Variants in LNX1 observed in about 807,000 individuals in gnomAD.
LNX1 encodes the protein ligand of numb-protein X 1.
In LNX1, 54 loss-of-function variants were observed where a neutral mutation model predicts 68.4. The ratio of observed to expected loss-of-function variants is 0.79; its 90% CI spans 0.63 to 0.99. The LOEUF is 0.99. LNX1 is among the 50% of genes least tolerant of loss of function. LNX1 has a pLI of 0.00. For synonymous variants in LNX1, 336 were observed against 350.0 expected (o/e 0.96, Z 0.45); for missense variants, 906 against 926.4 (o/e 0.98, Z 0.29).
chr4:53,507,098 G>A (rs1254569762), intron 4 of LNX1, among the ~76,000 whole-genome samples: 1 of 152,050 alleles, frequency 6.6e-6, no homozygotes, highest in Non-Finnish European at 1.5e-5. Flanking sequence ...CTGAAGGTGA[G>A]GGTTTCAACA....
intron 2 of LNX1, chr4:53,603,738 C>T (rs182695086): frequency 1.1e-3 from 169 of 152,280 alleles, no homozygotes; most frequent in African/African-American, 4.0e-3. Flanking sequence ...CTAAATCATT[C>T]ATGAGAAATC....
At chr4:53,552,825 T>C (rs1043610834) in intron 2 of LNX1, among the ~76,000 whole-genome samples, 8 of 74,656 alleles carry the variant, frequency 1.1e-4, no homozygotes, top group African/African-American at 4.6e-4. Flanking sequence ...CAAGACTCCA[T>C]CTCAAAAAAA....
chr4:53,508,162 G>C lies in LNX1; in HGVS notation c.446C>G (p.Pro149Arg), dbSNP rs1180700908. 6.2e-7 allele frequency: 1 copy of C among 1,614,154 alleles called. No individual in the cohort carries two copies. The highest frequency in any genetic ancestry group is 1.1e-5 in the South Asian group (1 of 91,078). ...DRKRRSQDGCPDGCASLTATA... is the reference protein window; with the variant it reads ...DRKRRSQDGCRDGCASLTATA... Reference sequence around the variant, plus strand: ...GGCTGTGAGGCTCGCACAGCCGTCTGGACAGCCATCTTGTGAGCGCCTCTT... The same window carrying C: ...GGCTGTGAGGCTCGCACAGCCGTCTCGACAGCCATCTTGTGAGCGCCTCTT... Residue 149 changes from proline (P) to arginine (R), a missense_variant, in exon 3 of 11, where the codon CCA becomes CGA. Transcript: ENST00000263925.
intron 1 of LNX1, among the ~76,000 whole-genome samples, chr4:53,585,013 A>G (rs991700473): frequency 6.6e-6 from 1 of 152,136 alleles, no homozygotes; most frequent in African/African-American, 2.4e-5. Context: ...CTTCCTGGGT[A>G]GTCCAGATGG....
At chr4:53,465,848 G>A (rs564573088) in intron 9 of LNX1, among the ~76,000 whole-genome samples, 1 of 152,126 alleles carries the variant, frequency 6.6e-6, no homozygotes, top group Admixed American at 6.5e-5. Flanking sequence ...GCAAATTTTA[G>A]TTTTCACAAA....
intron 2 of LNX1, among the ~76,000 whole-genome samples, chr4:53,605,599 A>G (rs1185976642): frequency 6.6e-6 from 1 of 152,130 alleles, no homozygotes; most frequent in Non-Finnish European, 1.5e-5. Context: ...TCTCACCCCC[A>G]CACCTGGTAA....
intron 1 of LNX1, among the ~76,000 whole-genome samples, chr4:53,629,987 T>A (rs1336795750): frequency 6.6e-6 from 1 of 152,076 alleles, no homozygotes; most frequent in African/African-American, 2.4e-5. Context: ...GTACCTATAC[T>A]AATATTTTCT....
At chr4:53,499,048 G>C (rs1725284085) in intron 4 of LNX1, among the ~76,000 whole-genome samples, 1 of 151,946 alleles carries the variant, frequency 6.6e-6, no homozygotes, top group African/African-American at 2.4e-5. Flanking sequence ...TTCCTTCAAG[G>C]CCCTTCCAAT....
chr4:53,469,539 A>G (rs1237730902), intron 9 of LNX1, among the ~76,000 whole-genome samples: 3 of 152,236 alleles, frequency 2.0e-5, no homozygotes, highest in Admixed American at 6.5e-5. Context: ...TCAAAAAATC[A>G]ATGAATCCAG....
chr4:53,508,433 T>TC, intron 2 of LNX1: 4 of 632,692 alleles, frequency 6.3e-6, no homozygotes, highest in Non-Finnish European at 1.1e-5. Flanking sequence ...AATTTGAGAT[T>TC]TTTTAAAGAC....
intron 2 of LNX1, among the ~76,000 whole-genome samples, chr4:53,515,229 A>T (rs1036777605): frequency 6.6e-5 from 10 of 152,336 alleles, no homozygotes; most frequent in African/African-American, 2.2e-4. Context: ...TAAGGCCGCC[A>T]GTCAAGACAC....
intron 1 of LNX1, among the ~76,000 whole-genome samples, chr4:53,585,940 A>T (rs554729291): frequency 6.6e-6 from 1 of 152,212 alleles, no homozygotes; most frequent in South Asian, 2.1e-4. Context: ...AATGCTCCCA[A>T]CGATCCTTTC....
chr4:53,509,686 C>T (rs1341608875), intron 2 of LNX1, among the ~76,000 whole-genome samples: 3 of 152,196 alleles, frequency 2.0e-5, no homozygotes, highest in Non-Finnish European at 4.4e-5. Context: ...TGACTACAAG[C>T]AGTTCTCATG....
chr4:53,489,763 T>C (rs1313410900), intron 6 of LNX1, among the ~76,000 whole-genome samples: 1 of 152,168 alleles, frequency 6.6e-6, no homozygotes, highest in Non-Finnish European at 1.5e-5. Flanking sequence ...ACTTGGACTT[T>C]GAGAATTCAG....
At chr4:53,565,445 T>C (rs1172907450) in intron 2 of LNX1, among the ~76,000 whole-genome samples, 1 of 150,364 alleles carries the variant, frequency 6.7e-6, no homozygotes, top group African/African-American at 2.4e-5. Flanking sequence ...GTCCTGTCTG[T>C]TAGAAGGAAA....
rs139625293 is a variant in LNX1 at position 53,535,995 on chromosome 4, C to A, written c.381-27768G>T. Among the ~76,000 whole-genome samples, 245 of 152,286 alleles carry A rather than the reference C, an allele frequency of 1.6e-3. 1 individual carries two copies. In the Middle Eastern group the frequency reaches 0.017, roughly 11 times the overall value. ...TTCCGAGAGGTATTCAGGGACCACA[C>A]TGATAGAAGCCTTGTGGGTTAATTA... is the stretch of plus-strand genomic sequence containing the variant. On this transcript the variant is annotated intron_variant, in intron 2 of 10. Transcript: ENST00000263925.
intron 1 of LNX1, chr4:53,576,298 A>G: frequency 1.2e-6 from 2 of 1,613,204 alleles, no homozygotes; most frequent in Non-Finnish European, 1.7e-6. Context: ...CCCCATAGCC[A>G]AGTTCCAGGA....
At chr4:53,546,680 G>T (rs1426131197) in intron 2 of LNX1, among the ~76,000 whole-genome samples, 2 of 152,092 alleles carry the variant, frequency 1.3e-5, no homozygotes, top group Non-Finnish European at 2.9e-5. Context: ...AAAATTTATG[G>T]TTCTGGGCCA....
intron 6 of LNX1, among the ~76,000 whole-genome samples, chr4:53,490,006 C>T (rs6818788): frequency 0.38 from 56,974 of 151,682 alleles, 11,076 homozygotes; most frequent in South Asian, 0.59. Flanking sequence ...GCAGGTATGG[C>T]AATGCAAATA....
Sources: allele counts gnomAD v4.1 joint callset (sites outside exome capture counted in the v4.1 genomes callset), GRCh38; gene constraint gnomAD v4.1.1; transcripts MANE v1.5; gene names NCBI Gene and HGNC (gene_info 2026-07-23, HGNC 2026-07-21).